The following ADAD1 variants were observed in gnomAD, a reference collection of about 807,000 sequenced individuals.
ADAD1 encodes the protein adenosine deaminase domain containing 1, also known as adenosine deaminase domain-containing protein 1.
ADAD1 carries 46 observed loss-of-function variants against 66.8 expected under a neutral mutation model. The ratio of observed to expected loss-of-function variants is 0.69; its 90% CI spans 0.54 to 0.88. The LOEUF (loss-of-function observed/expected upper bound fraction) is 0.88, where lower values mean the gene tolerates loss of function less well. Among genes scored for constraint, ADAD1 ranks in the 40% least tolerant of loss-of-function variants. ADAD1 has a pLI of 0.00. For synonymous variants in ADAD1, 248 were observed against 229.4 expected, an observed-to-expected ratio of 1.08 and a Z score of -0.73; for missense variants, 617 against 681.8, an observed-to-expected ratio of 0.91 and a Z score of 1.06.
chr4:122,399,740 CTTTT>C (rs145100591), intron 7 of ADAD1, among the ~76,000 whole-genome samples: 3 of 110,520 alleles, frequency 2.7e-5, no homozygotes, highest in Non-Finnish European at 1.9e-5. Context: ...ATTTTCTTTT[CTTTT>C]TTTTTTTTTT....
intron 12 of ADAD1, among the ~76,000 whole-genome samples, chr4:122,422,884 C>T (rs1797064500): frequency 6.9e-6 from 1 of 144,910 alleles, no homozygotes; most frequent in Non-Finnish European, 1.5e-5. Context: ...CCCAGGAGTT[C>T]AAGGCTGCTG....
intron 11 of ADAD1, among the ~76,000 whole-genome samples, chr4:122,417,144 G>A (rs1796773699): frequency 6.6e-6 from 1 of 152,032 alleles, no homozygotes; most frequent in Non-Finnish European, 1.5e-5. Flanking sequence ...AGACCAGCCT[G>A]ACCAATATGG....
chr4:122,413,047 A>C (rs1199152948), intron 10 of ADAD1, among the ~76,000 whole-genome samples: 1 of 152,088 alleles, frequency 6.6e-6, no homozygotes, highest in African/African-American at 2.4e-5. Context: ...AGTTGTAGTG[A>C]CCGTCCAGCT....
intron 12 of ADAD1, among the ~76,000 whole-genome samples, chr4:122,427,628 G>T (rs531205053): frequency 1.5e-5 from 2 of 136,316 alleles, no homozygotes; most frequent in South Asian, 4.6e-4. Context: ...TCTGCCTTCT[G>T]GGTTCAAGTG....
intron 2 of ADAD1, 133 bp downstream of exon 2, chr4:122,379,578 G>A (rs1334244863): frequency 6.4e-6 from 1 of 155,418 alleles, no homozygotes. Context: ...AGAGGTTGAG[G>A]CTGGGAGGTG....
intron 8 of ADAD1, among the ~76,000 whole-genome samples, chr4:122,408,611 A>G (rs1216363951): frequency 6.6e-6 from 1 of 152,164 alleles, no homozygotes; most frequent in Non-Finnish European, 1.5e-5. Context: ...TCAGCTGGGC[A>G]TAGTAGCTCT....
intron 12 of ADAD1, among the ~76,000 whole-genome samples, chr4:122,428,549 G>A (rs963086228): frequency 2.0e-5 from 3 of 152,036 alleles, no homozygotes; most frequent in Non-Finnish European, 4.4e-5. Flanking sequence ...CCCTACAATG[G>A]AATATTATAC....
Position 122,387,419 on chromosome 4 carries a change from CA to C in ADAD1, c.529+3455del, listed in dbSNP as rs569939696. 1.9e-3 allele frequency among the ~76,000 whole-genome samples: 292 copies of C among 152,158 alleles called. 1 individual carries two copies. Among genetic ancestry groups the C allele is most frequent in the African/African-American group, 6.9e-3 (285 of 41,490 alleles). On this transcript the variant is annotated intron_variant, in intron 5 of 12. Coordinates refer to ENST00000296513, the MANE Select transcript of ADAD1 (RefSeq NM_139243.4). ...CTGAGACTTTGCTGAAGTTGCTTAT[CA>C]ATTCAGGAAGTTTTGGGGCTGAAAA...
intron 6 of ADAD1, among the ~76,000 whole-genome samples, chr4:122,394,089 C>G (rs1361786374): frequency 6.6e-6 from 1 of 152,058 alleles, no homozygotes; most frequent in African/African-American, 2.4e-5. Flanking sequence ...GTTGTGTGAC[C>G]TAGGACCAGT....
chr4:122,379,050 T>C lies in ADAD1; in HGVS notation c.-148T>C, dbSNP rs762685498. The C allele has an allele frequency of 7.9e-5, 12 of 152,332 alleles. No individual in the cohort carries two copies. Among genetic ancestry groups the C allele is most frequent in the African/African-American group, 1.7e-4 (7 of 41,448 alleles). The allele number at this position is 152,332 out of a possible 1,614,324, so 9.4% of individuals were successfully genotyped here. A position where few individuals can be genotyped will look rare whatever the true frequency, so the allele number is the denominator to read the frequency against. Reference sequence around the variant, plus strand: ...CACAGTGGAGGCCAAGCCTTCCCCATGGGCACCTTCTCAGATTGCGATTGT... The same window carrying C: ...CACAGTGGAGGCCAAGCCTTCCCCACGGGCACCTTCTCAGATTGCGATTGT... On this transcript the variant is annotated 5_prime_UTR_variant, in exon 1 of 13. It removes an upstream start codon present in the reference 5' UTR. Transcript: ENST00000296513.
At chr4:122,422,007 C>G (rs894568282) in intron 12 of ADAD1, among the ~76,000 whole-genome samples, 1 of 151,820 alleles carries the variant, frequency 6.6e-6, no homozygotes, top group African/African-American at 2.4e-5. Flanking sequence ...CATGTTATTT[C>G]AGTTCCTTCT....
intron 5 of ADAD1, among the ~76,000 whole-genome samples, chr4:122,386,005 G>A (rs549441000): frequency 1.2e-4 from 18 of 152,192 alleles, no homozygotes; most frequent in African/African-American, 3.9e-4. Flanking sequence ...GTAAACATAC[G>A]TGTGCATGTG....
intron 12 of ADAD1, 27 bp from the exon 13 acceptor site, chr4:122,429,599 A>G (rs1797423737): frequency 9.5e-6 from 14 of 1,467,514 alleles, no homozygotes; most frequent in East Asian, 6.8e-5. Flanking sequence ...CCTATTTTCT[A>G]TAATTCATTT....
At chr4:122,386,794 TC>T (rs1353760190) in intron 5 of ADAD1, among the ~76,000 whole-genome samples, 2 of 152,202 alleles carry the variant, frequency 1.3e-5, no homozygotes, top group Non-Finnish European at 2.9e-5. Flanking sequence ...GAATAGGAGA[TC>T]CTTTCCCTAT....
intron 12 of ADAD1, among the ~76,000 whole-genome samples, chr4:122,428,044 C>A (rs1308652743): frequency 1.3e-5 from 2 of 151,536 alleles, no homozygotes; most frequent in African/African-American, 4.9e-5. Context: ...ATTTTTTCAA[C>A]AAATAGTGCT....
At chr4:122,425,455 G>A (rs959776185) in intron 12 of ADAD1, among the ~76,000 whole-genome samples, 2 of 151,852 alleles carry the variant, frequency 1.3e-5, no homozygotes, top group Non-Finnish European at 2.9e-5. Flanking sequence ...GAAATTATTA[G>A]GAAAACTAAG....
chr4:122,424,434 A>AAT, intron 12 of ADAD1, among the ~76,000 whole-genome samples: 1 of 152,162 alleles, frequency 6.6e-6, no homozygotes, highest in South Asian at 2.1e-4. Context: ...TATATATGAC[A>AAT]ATATAACAAA....
intron 12 of ADAD1, 100 bp downstream of exon 12, chr4:122,421,490 T>C (rs1439506793): frequency 6.3e-6 from 7 of 1,116,846 alleles, no homozygotes; most frequent in Non-Finnish European, 8.2e-6. Context: ...TGTTGAATAC[T>C]TCCTGAATAT....
intron 11 of ADAD1, among the ~76,000 whole-genome samples, chr4:122,417,416 A>G (rs1378629788): frequency 1.3e-5 from 2 of 152,104 alleles, no homozygotes; most frequent in African/African-American, 4.8e-5. Flanking sequence ...GCATTACAAT[A>G]AGACAAAAAA....
Sources: gnomAD v4.1 joint callset for allele counts (sites outside exome capture counted in the v4.1 genomes callset) on GRCh38, gnomAD v4.1.1 for gene constraint, MANE v1.5 for transcripts, NCBI Gene and HGNC (gene_info 2026-07-23, HGNC 2026-07-21) for gene names.